Variants in PAM observed in about 807,000 individuals in gnomAD.
The protein encoded by PAM is peptidyl-glycine alpha-amidating monooxygenase.
PAM carries 72 observed loss-of-function variants against 122.1 expected under a neutral mutation model. The observed-to-expected ratio is 0.59, with a 90% CI of 0.49 to 0.72. The LOEUF (loss-of-function observed/expected upper bound fraction) is 0.72, where lower values mean the gene tolerates loss of function less well. Among genes scored for constraint, PAM ranks in the 30% least tolerant of loss-of-function variants. PAM has a pLI of 0.00. For synonymous variants in PAM, 389 were observed against 404.4 expected, an observed-to-expected ratio of 0.96 and a Z score of 0.46; for missense variants, 1,106 against 1,183.7, an observed-to-expected ratio of 0.93 and a Z score of 0.96.
intron 7 of PAM, among the ~76,000 whole-genome samples, chr5:102,940,288 A>C (rs1477533155): frequency 6.6e-6 from 1 of 151,696 alleles, no homozygotes; most frequent in Admixed American, 6.6e-5. Context: ...AAAGCTCTTC[A>C]ATCCCTTTTC....
intron 1 of PAM, among the ~76,000 whole-genome samples, chr5:102,819,964 C>T (rs902398045): frequency 5.9e-5 from 9 of 152,258 alleles, no homozygotes; most frequent in African/African-American, 1.9e-4. Flanking sequence ...CCCATCATCG[C>T]ATGATACTTT....
intron 8 of PAM, among the ~76,000 whole-genome samples, chr5:102,947,622 AC>A (rs1757456819): frequency 6.6e-6 from 1 of 152,102 alleles, no homozygotes; most frequent in Admixed American, 6.6e-5. Flanking sequence ...AGAAATCACC[AC>A]TAAAGAACTT....
intron 23 of PAM, among the ~76,000 whole-genome samples, chr5:103,024,596 T>TACAA (rs1784448415): frequency 6.6e-6 from 1 of 152,168 alleles, no homozygotes; most frequent in Non-Finnish European, 1.5e-5. Context: ...AAACTAAAGA[T>TACAA]ACAAGGAAAC....
At chr5:102,950,688 ATGATTCAT>A in intron 11 of PAM, 21 bp from the exon 12 acceptor site, 1 of 1,279,974 alleles carries the variant, frequency 7.8e-7, no homozygotes. Flanking sequence ...GGTAATATTA[ATGATTCAT>A]TGTGTTTGTC....
intron 1 of PAM, among the ~76,000 whole-genome samples, chr5:102,818,796 T>C (rs976113736): frequency 1.3e-5 from 2 of 152,146 alleles, no homozygotes; most frequent in African/African-American, 4.8e-5. Flanking sequence ...GTCATCTTTA[T>C]TTACTTTTAT....
intron 1 of PAM, among the ~76,000 whole-genome samples, chr5:102,800,711 T>A (rs1764481541): frequency 6.6e-6 from 1 of 152,136 alleles, no homozygotes; most frequent in Admixed American, 6.5e-5. Context: ...TCCCTTTGAG[T>A]CCCTGGGCTG....
intron 3 of PAM, among the ~76,000 whole-genome samples, chr5:102,897,814 G>T (rs1359860732): frequency 6.6e-6 from 1 of 151,632 alleles, no homozygotes; most frequent in Non-Finnish European, 1.5e-5. Context: ...ACTAGAATAG[G>T]AATGATATCT....
At chr5:103,028,354 T>C (rs1785598132) in intron 25 of PAM, 116 bp downstream of exon 25, 1 of 733,574 alleles carries the variant, frequency 1.4e-6, no homozygotes, top group East Asian at 2.6e-5. Context: ...GCACCTTGTA[T>C]GCAGCTTAGC....
intron 7 of PAM, among the ~76,000 whole-genome samples, chr5:102,941,536 T>A (rs778533642): frequency 6.6e-6 from 1 of 152,176 alleles, no homozygotes; most frequent in Admixed American, 6.5e-5. Flanking sequence ...ATTTCACTTA[T>A]ATTTTGCTAA....
At chr5:102,903,740 A>AT (rs1394905496) in intron 4 of PAM, among the ~76,000 whole-genome samples, 4 of 151,596 alleles carry the variant, frequency 2.6e-5, no homozygotes, top group African/African-American at 9.7e-5. Flanking sequence ...CTAGCTATGT[A>AT]TTAACCTAGT....
rs568850078 is a variant in PAM at position 102,775,251 on chromosome 5, G to T, written c.-374+19903G>T. ...GTTGTCAATATGACACTATTCTTTG[G>T]TCTGCAGTGTTGGTACTTTGGTGTA... On this transcript the variant is annotated intron_variant, in intron 1 of 25. Coordinates refer to ENST00000438793, the MANE Select transcript of PAM (RefSeq NM_001177306.2). Among the ~76,000 whole-genome samples, 146 of 151,960 alleles carry T rather than the reference G, an allele frequency of 9.6e-4. 1 individual carries two copies. The highest frequency in any genetic ancestry group is 3.4e-3 in the African/African-American group (139 of 41,460).
chr5:102,969,430 A>G (rs184810268), intron 14 of PAM, among the ~76,000 whole-genome samples: 3 of 152,284 alleles, frequency 2.0e-5, no homozygotes, highest in African/African-American at 4.8e-5. Context: ...GCCACTTTTA[A>G]TACCATCCTA....
At chr5:103,004,247 C>T (rs1395296660) in intron 17 of PAM, among the ~76,000 whole-genome samples, 1 of 152,152 alleles carries the variant, frequency 6.6e-6, no homozygotes, top group Non-Finnish European at 1.5e-5. Context: ...TATTTATTCA[C>T]CAGAAGCACC....
chr5:102,953,967 C>A (rs1160623253), intron 12 of PAM, among the ~76,000 whole-genome samples: 3 of 152,020 alleles, frequency 2.0e-5, no homozygotes, highest in African/African-American at 7.3e-5. Context: ...GAGCCAAGAT[C>A]ATGCCATTGC....
chr5:102,970,563 T>G (rs1037778534), intron 14 of PAM, among the ~76,000 whole-genome samples: 2 of 152,148 alleles, frequency 1.3e-5, no homozygotes, highest in Non-Finnish European at 2.9e-5. Context: ...AGAAGTTGTA[T>G]TTATTAATAA....
rs367562349 is a variant in PAM at position 102,867,435 on chromosome 5, A to G, written c.210+42A>G. The G allele has an allele frequency of 8.0e-6, 12 of 1,496,792 alleles. No homozygotes were observed. The South Asian group carries it at 1.4e-4, about 18-fold the overall frequency. The allele number at this position is 1,496,792 out of a possible 1,614,324, so 92.7% of individuals were successfully genotyped here. On this transcript the variant is annotated intron_variant, in intron 3 of 25. Transcript: ENST00000438793. ...CTTTCATTATTCACTTGTTCTGGAT[A>G]CAATCTATAATTAAAGTAAGGAAAC...
At chr5:102,859,410 G>T (rs191202590) in intron 1 of PAM, among the ~76,000 whole-genome samples, 99 of 148,114 alleles carry the variant, frequency 6.7e-4, no homozygotes, top group African/African-American at 2.2e-3. Context: ...GTTTAATAAG[G>T]TTTTTTTTTA....
chr5:102,990,158 T>G, intron 15 of PAM, 114 bp from the exon 16 acceptor site: 1 of 705,554 alleles, frequency 1.4e-6, no homozygotes, highest in South Asian at 4.2e-5. Context: ...TTGTCTTTTT[T>G]TATTTCTTTG....
intron 1 of PAM, among the ~76,000 whole-genome samples, chr5:102,842,792 G>A (rs539355500): frequency 5.3e-5 from 8 of 152,296 alleles, no homozygotes; most frequent in Admixed American, 5.2e-4. Context: ...TTAGGAATGG[G>A]AGAAAAAGCA....
Sources: allele counts gnomAD v4.1 joint callset (sites outside exome capture counted in the v4.1 genomes callset), GRCh38; gene constraint gnomAD v4.1.1; transcripts MANE v1.5; gene names NCBI Gene and HGNC (gene_info 2026-07-23, HGNC 2026-07-21).